The following ARHGAP39 variants were observed in gnomAD, a reference collection of about 807,000 sequenced individuals.
ARHGAP39 encodes the protein rho GTPase-activating protein 39.
A neutral mutation model predicts 106.9 loss-of-function variants in ARHGAP39; 44 were observed. The observed-to-expected ratio is 0.41, with a 90% CI of 0.32 to 0.53. The LOEUF is 0.53. ARHGAP39 is among the 20% of genes least tolerant of loss of function. The pLI, the probability that ARHGAP39 is intolerant of heterozygous loss-of-function variation, is 0.21. For missense variants in ARHGAP39, 1,496 were observed against 1,577.3 expected (o/e 0.95, Z 0.87); for synonymous variants, 768 against 693.2 (o/e 1.11, Z -1.69).
chr8:144,533,295 G>A lies in ARHGAP39; in HGVS notation c.2719C>T (p.Arg907Trp), dbSNP rs759866316. ...CTGAACACGGCGTTCTTGGCATGCCGGATCTCCTCCACGTTGGGCTTCTTC... is the reference window on the plus strand; with the variant it reads ...CTGAACACGGCGTTCTTGGCATGCCAGATCTCCTCCACGTTGGGCTTCTTC... ...GLKKPNVEEI[R>W]HAKNAVFSPS... Residue 907 changes from arginine (R) to tryptophan (W), a missense_variant, in exon 9 of 12, where the codon CGG becomes TGG. Physicochemically the swap from Arg to Trp is moderately radical, Grantham distance 101. Coordinates refer to ENST00000377307, the MANE Select transcript of ARHGAP39 (RefSeq NM_025251.3). 12 of 1,612,966 alleles carry A rather than the reference G, an allele frequency of 7.4e-6. No individual in the cohort carries two copies. The highest frequency in any genetic ancestry group is 6.7e-5 in the East Asian group (3 of 44,904).
At chr8:144,574,551 G>T (rs1460482177) in intron 3 of ARHGAP39, among the ~76,000 whole-genome samples, 1 of 152,142 alleles carries the variant, frequency 6.6e-6, no homozygotes, top group Non-Finnish European at 1.5e-5. Context: ...GCGGGCACCT[G>T]TAGTCCCAGC....
rs1443632047 is a variant in ARHGAP39 at position 144,537,728 on chromosome 8, C to T, written c.2607G>A (p.Glu869=). Residue 869 remains glutamate, a synonymous_variant, in exon 7 of 12, where the codon GAG becomes GAA. Transcript: ENST00000377307. ...LRKKPKPYVE[E]PDGVAISTYA... is the part of the protein sequence containing the mutation. ...TGCGGGGAGAGGCCCTACCATCCGG[C>T]TCTTCAACATAAGGCTTGGGTTTCT... The T allele has an allele frequency of 6.2e-7, 1 of 1,614,044 alleles. No individual in the cohort carries two copies. The highest frequency in any genetic ancestry group is 8.5e-7 in the Non-Finnish European group (1 of 1,179,926).
the ARHGAP39 span, among the ~76,000 whole-genome samples, chr8:144,692,957 CTG>C: frequency 1.7e-3 from 251 of 150,600 alleles, 1 homozygote; most frequent in African/African-American, 5.8e-3. Context: ...TGGGGTTTCA[CTG>C]TGTTTCCCAG....
chr8:144,600,901 GTGGTGTGTGCA>G (rs1819877249), intron 2 of ARHGAP39, among the ~76,000 whole-genome samples: 5 of 149,954 alleles, frequency 3.3e-5, no homozygotes. Context: ...GTGCGTGTGC[GTGGTGTGTGCA>G]AGCTCATGTA....
chr8:144,563,478 T>G (rs1382554049), intron 3 of ARHGAP39, among the ~76,000 whole-genome samples: 1 of 152,026 alleles, frequency 6.6e-6, no homozygotes, highest in Non-Finnish European at 1.5e-5. Flanking sequence ...CCTCAACCAC[T>G]ATTAAACACT....
intron 1 of ARHGAP39, among the ~76,000 whole-genome samples, chr8:144,639,808 C>T (rs768265214): frequency 3.9e-5 from 6 of 152,128 alleles, no homozygotes; most frequent in Non-Finnish European, 8.8e-5. Context: ...ACAGTGAAAG[C>T]TTCACCTCGG....
the ARHGAP39 span, among the ~76,000 whole-genome samples, chr8:144,696,190 G>A: frequency 6.6e-6 from 1 of 152,122 alleles, no homozygotes; most frequent in Non-Finnish European, 1.5e-5. Context: ...CCAGGCTGGA[G>A]TGCAGTGGCA....
Position 144,545,475 on chromosome 8 carries a change from G to C in ARHGAP39, c.2295C>G (p.His765Gln). The C allele has an allele frequency of 6.3e-7, 1 of 1,599,354 alleles. No individual in the cohort carries two copies. The highest frequency in any genetic ancestry group is 8.6e-7 in the Non-Finnish European group (1 of 1,169,540). Residue 765 changes from histidine (H) to glutamine (Q), a missense_variant, in exon 6 of 12, where the codon CAC becomes CAG. Physicochemically the swap from His to Gln is conservative, Grantham distance 24. Coordinates refer to ENST00000377307, the MANE Select transcript of ARHGAP39 (RefSeq NM_025251.3). ...CCTTGGTGGCCACCTCCAGGGCCAC[G>C]TGCAGTGGGTCGGCCTTGGCCCGCC... The part of the protein sequence containing the change: ...GDRRAKADPL[H>Q]VALEVATKGW...
intron 1 of ARHGAP39, among the ~76,000 whole-genome samples, chr8:144,682,082 C>T (rs1472367516): frequency 1.3e-5 from 2 of 150,884 alleles, no homozygotes; most frequent in African/African-American, 4.9e-5. Flanking sequence ...TCCTGGCTAA[C>T]ACGGTGAAAC....
intron 8 of ARHGAP39, 151 bp downstream of exon 8, chr8:144,533,978 T>C: frequency 1.2e-6 from 1 of 830,842 alleles, no homozygotes; most frequent in Non-Finnish European, 1.9e-6. Context: ...GGGGTCAGCC[T>C]AGCGTACCCC....
chr8:144,592,982 G>C (rs529057308), intron 2 of ARHGAP39, among the ~76,000 whole-genome samples: 45 of 152,328 alleles, frequency 3.0e-4, no homozygotes, highest in Admixed American at 2.0e-3. Context: ...AGGTGTGTTT[G>C]AGGAATATTC....
chr8:144,607,735 C>A (rs1219349703), intron 1 of ARHGAP39, among the ~76,000 whole-genome samples: 1 of 152,224 alleles, frequency 6.6e-6, no homozygotes, highest in African/African-American at 2.4e-5. Flanking sequence ...GGCCACAAAT[C>A]CTACCTACAC....
chr8:144,690,657 T>C (rs1020105344), upstream of ARHGAP39, among the ~76,000 whole-genome samples: 11 of 151,856 alleles, frequency 7.2e-5, no homozygotes, highest in South Asian at 6.2e-4. Context: ...TTTTTTTTTT[T>C]CCCTTGAGAC....
intron 1 of ARHGAP39, among the ~76,000 whole-genome samples, chr8:144,675,358 T>C (rs1201742040): frequency 6.6e-6 from 1 of 152,210 alleles, no homozygotes; most frequent in Non-Finnish European, 1.5e-5. Flanking sequence ...TGGTGGGTTC[T>C]TGGTCTTGCT....
chr8:144,535,415 G>T (rs1333936357), intron 7 of ARHGAP39, among the ~76,000 whole-genome samples: 4 of 152,234 alleles, frequency 2.6e-5, no homozygotes, highest in African/African-American at 9.6e-5. Context: ...CCAGCCTCCA[G>T]CGTGGGACCA....
Position 144,547,775 on chromosome 8 carries a change from C to T in ARHGAP39, c.1311G>A (p.Arg437=). 6.3e-7 allele frequency: 1 copy of T among 1,597,820 alleles called. No homozygotes were observed. Among genetic ancestry groups the T allele is most frequent in the Admixed American group, 1.7e-5 (1 of 59,150 alleles). Reference sequence around the variant, plus strand: ...CGGACTTGACGCCCAGGCGCTGGTCCCTCAGCAGGCAGGGGCTGGGCTGCA... The same window carrying T: ...CGGACTTGACGCCCAGGCGCTGGTCTCTCAGCAGGCAGGGGCTGGGCTGCA... ...YSLQPSPCLL[R]DQRLGVKSGD... The change falls in exon 5 of 12, where the codon AGG becomes AGA. Residue 437 remains arginine (R), a synonymous_variant. Coordinates refer to ENST00000377307, the MANE Select transcript of ARHGAP39 (RefSeq NM_025251.3). This position sits in a 1 kb window ranked among gnomAD's most constrained non-coding sequence, Gnocchi z 5.2.
At chr8:144,579,996 A>G (rs374717836) in intron 3 of ARHGAP39, among the ~76,000 whole-genome samples, 310 of 151,278 alleles carry the variant, frequency 2.0e-3, no homozygotes, top group African/African-American at 6.9e-3. Flanking sequence ...GCTCTTCCCC[A>G]CTGTCCTGCT....
At chr8:144,536,432 G>A (rs1451871170) in intron 7 of ARHGAP39, among the ~76,000 whole-genome samples, 1 of 152,148 alleles carries the variant, frequency 6.6e-6, no homozygotes, top group Non-Finnish European at 1.5e-5. Flanking sequence ...CCAGGCACAG[G>A]GGAGTCTGCT....
intron 1 of ARHGAP39, among the ~76,000 whole-genome samples, chr8:144,640,865 C>T (rs138048684): frequency 6.6e-5 from 10 of 152,270 alleles, no homozygotes; most frequent in East Asian, 1.9e-4. Context: ...TTGTTGAAAA[C>T]GAAGCCACGT....
Sources: allele counts gnomAD v4.1 joint callset (sites outside exome capture counted in the v4.1 genomes callset), GRCh38; gene constraint gnomAD v4.1.1; non-coding constraint Gnocchi (gnomAD v3.1); transcripts MANE v1.5; gene names NCBI Gene and HGNC (gene_info 2026-07-23, HGNC 2026-07-21).